Variants in THSD7B observed in about 807,000 individuals in gnomAD.
THSD7B encodes thrombospondin type-1 domain-containing protein 7B.
THSD7B carries 138 observed loss-of-function variants against 213.6 expected under a neutral mutation model. The observed-to-expected ratio is 0.65, with a 90% confidence interval of 0.56 to 0.74. THSD7B has a LOEUF of 0.74. Among genes scored for constraint, THSD7B ranks in the 30% least tolerant of loss-of-function variants. The pLI, the probability that THSD7B is intolerant of heterozygous loss-of-function variation, is 0.00. For synonymous variants in THSD7B, 742 were observed against 687.0 expected (o/e 1.08, Z -1.25); for missense variants, 1,931 against 1,991.5 (o/e 0.97, Z 0.58).
At chr2:137,150,501 C>A (rs995431077) in intron 5 of THSD7B, among the ~76,000 whole-genome samples, 4 of 152,090 alleles carry the variant, frequency 2.6e-5, no homozygotes, top group African/African-American at 4.8e-5. Flanking sequence ...GGCTTCCCCC[C>A]CTACACTCTG....
chr2:137,276,092 G>T, intron 12 of THSD7B, 66 bp downstream of exon 12: 1 of 1,126,132 alleles, frequency 8.9e-7, no homozygotes, highest in Non-Finnish European at 1.3e-6. Flanking sequence ...ACTCATATGT[G>T]TTGCTTACTT....
intron 12 of THSD7B, among the ~76,000 whole-genome samples, chr2:137,285,150 T>C (rs959661516): frequency 1.3e-5 from 2 of 152,180 alleles, no homozygotes; most frequent in African/African-American, 4.8e-5. Context: ...TTTACCATTA[T>C]GTAATGGCCT....
intron 14 of THSD7B, among the ~76,000 whole-genome samples, chr2:137,423,625 A>G (rs1226457336): frequency 6.6e-6 from 1 of 152,114 alleles, no homozygotes; most frequent in Non-Finnish European, 1.5e-5. Flanking sequence ...ATTATACGCT[A>G]TAAAACATTG....
At chr2:136,898,591 A>G (rs1298547862) in intron 2 of THSD7B, among the ~76,000 whole-genome samples, 1 of 63,164 alleles carries the variant, frequency 1.6e-5, no homozygotes, top group Admixed American at 1.4e-4. Context: ...CCCCCCGCCA[A>G]AAGAGCTCAC....
At chr2:137,401,891 G>T (rs1162754781) in intron 12 of THSD7B, among the ~76,000 whole-genome samples, 1 of 152,084 alleles carries the variant, frequency 6.6e-6, no homozygotes, top group Non-Finnish European at 1.5e-5. Context: ...CACCATATCT[G>T]AGCTATTGGT....
At chr2:137,077,325 C>CT (rs1047024121) in intron 3 of THSD7B, among the ~76,000 whole-genome samples, 1 of 152,060 alleles carries the variant, frequency 6.6e-6, no homozygotes, top group African/African-American at 2.4e-5. Flanking sequence ...TTTTATAATC[C>CT]TTTGGATATA....
chr2:136,996,056 C>T (rs548592538), intron 2 of THSD7B, among the ~76,000 whole-genome samples: 2 of 152,134 alleles, frequency 1.3e-5, no homozygotes, highest in Non-Finnish European at 2.9e-5. Context: ...CTTTGAAGAG[C>T]AACATATAAT....
intron 5 of THSD7B, among the ~76,000 whole-genome samples, chr2:137,118,623 G>T (rs916426825): frequency 3.3e-5 from 5 of 152,000 alleles, no homozygotes; most frequent in African/African-American, 1.2e-4. Context: ...ACACAGTTTA[G>T]CTCTGAATTG....
chr2:137,657,855 C>T (rs768748909), intron 24 of THSD7B, among the ~76,000 whole-genome samples: 1 of 152,184 alleles, frequency 6.6e-6, no homozygotes. Context: ...GTTGGGACTG[C>T]AGGCACACGC....
intron 5 of THSD7B, among the ~76,000 whole-genome samples, chr2:137,156,561 A>C (rs969525755): frequency 2.0e-5 from 3 of 152,158 alleles, no homozygotes; most frequent in African/African-American, 7.2e-5. Flanking sequence ...ACAGTCAACT[A>C]ATTGACAGTT....
intron 14 of THSD7B, among the ~76,000 whole-genome samples, chr2:137,442,504 G>C (rs1026321932): frequency 4.1e-4 from 63 of 151,844 alleles, no homozygotes; most frequent in African/African-American, 1.5e-3. Context: ...GTCTATCTTG[G>C]GTTGGCTGGA....
intron 15 of THSD7B, among the ~76,000 whole-genome samples, chr2:137,554,513 T>C (rs931314236): frequency 6.6e-6 from 1 of 152,200 alleles, no homozygotes; most frequent in Non-Finnish European, 1.5e-5. Flanking sequence ...CATATAGTTT[T>C]TGGGACTAAG....
chr2:137,381,377 G>A (rs1685772391), intron 12 of THSD7B, among the ~76,000 whole-genome samples: 1 of 152,238 alleles, frequency 6.6e-6, no homozygotes, highest in Admixed American at 6.5e-5. Context: ...GAGGGATGCT[G>A]CAGAGGTGAG....
chr2:137,424,754 T>G (rs1354984988), intron 14 of THSD7B, among the ~76,000 whole-genome samples: 5 of 152,136 alleles, frequency 3.3e-5, no homozygotes, highest in Non-Finnish European at 7.3e-5. Flanking sequence ...ATTAGTGGAC[T>G]TAACTCACCA....
At chr2:136,904,900 T>G (rs1684132457) in intron 2 of THSD7B, among the ~76,000 whole-genome samples, 1 of 152,256 alleles carries the variant, frequency 6.6e-6, no homozygotes. Context: ...AGAACTTTAG[T>G]GTCCTTTAGC....
At chr2:137,359,061 A>AAG in intron 12 of THSD7B, among the ~76,000 whole-genome samples, 1 of 152,354 alleles carries the variant, frequency 6.6e-6, no homozygotes, top group Non-Finnish European at 1.5e-5. Flanking sequence ...CTCTTAATAT[A>AAG]GCCCACAAGG....
At chr2:136,776,548 T>G (rs1163845498) in intron 1 of THSD7B, among the ~76,000 whole-genome samples, 1 of 152,084 alleles carries the variant, frequency 6.6e-6, no homozygotes, top group Non-Finnish European at 1.5e-5. Context: ...CCTTATAATC[T>G]AAGATAAACA....
chr2:137,364,542 A>G (rs1010517900), intron 12 of THSD7B, among the ~76,000 whole-genome samples: 6 of 152,240 alleles, frequency 3.9e-5, no homozygotes, highest in Non-Finnish European at 8.8e-5. Flanking sequence ...CAAGTTCAGC[A>G]AAGTCTCAGG....
intron 2 of THSD7B, among the ~76,000 whole-genome samples, chr2:136,976,086 G>A (rs1470054523): frequency 6.6e-6 from 1 of 152,150 alleles, no homozygotes; most frequent in South Asian, 2.1e-4. Flanking sequence ...GAGCTGAGAC[G>A]ATGGGGTTTT....
Sources: gnomAD v4.1 joint callset for allele counts (sites outside exome capture counted in the v4.1 genomes callset) on GRCh38, gnomAD v4.1.1 for gene constraint, MANE v1.5 for transcripts, NCBI Gene and HGNC (gene_info 2026-07-23, HGNC 2026-07-21) for gene names.